Variants in STXBP5L observed in about 807,000 individuals in gnomAD.
STXBP5L encodes the protein syntaxin-binding protein 5-like.
In STXBP5L, 65 loss-of-function variants were observed where a neutral mutation model predicts 144.5. The observed-to-expected ratio is 0.45, with a 90% CI of 0.37 to 0.55. STXBP5L has a LOEUF of 0.55. Ranked by LOEUF, STXBP5L falls within the 20% of genes least tolerant of loss-of-function variation. The pLI, the probability that STXBP5L is intolerant of heterozygous loss-of-function variation, is 0.00. For missense variants in STXBP5L, 1,298 were observed against 1,405.5 expected (o/e 0.92, Z 1.22); for synonymous variants, 505 against 469.6 (o/e 1.08, Z -0.97).
At chr3:121,024,644 C>G (rs532267650) in intron 3 of STXBP5L, among the ~76,000 whole-genome samples, 3 of 152,250 alleles carry the variant, frequency 2.0e-5, no homozygotes, top group Non-Finnish European at 4.4e-5. Flanking sequence ...CATTTATAAA[C>G]TCATTCTACC....
intron 2 of STXBP5L, 41 bp downstream of exon 2, chr3:120,909,808 A>G (rs1708732646): frequency 1.3e-6 from 2 of 1,562,564 alleles, no homozygotes; most frequent in East Asian, 4.5e-5. Flanking sequence ...TTTCTTTATT[A>G]TACTGTTGTA....
intron 3 of STXBP5L, among the ~76,000 whole-genome samples, chr3:121,039,552 A>G (rs1197602923): frequency 6.6e-6 from 1 of 151,578 alleles, no homozygotes; most frequent in Non-Finnish European, 1.5e-5. Context: ...TCCTTTTTGT[A>G]TATCCAGATA....
At chr3:121,068,621 A>C (rs2041661031) in intron 5 of STXBP5L, among the ~76,000 whole-genome samples, 3 of 152,088 alleles carry the variant, frequency 2.0e-5, no homozygotes, top group African/African-American at 7.2e-5. Flanking sequence ...ACCTCTATTT[A>C]CCATCCCTGT....
intron 20 of STXBP5L, among the ~76,000 whole-genome samples, chr3:121,353,073 A>G (rs2045360802): frequency 6.6e-6 from 1 of 152,114 alleles, no homozygotes; most frequent in Admixed American, 6.6e-5. Flanking sequence ...GTGGTGCTGG[A>G]TTCGGTTTGC....
intron 23 of STXBP5L, among the ~76,000 whole-genome samples, chr3:121,409,475 G>C (rs571368667): frequency 6.6e-6 from 1 of 151,948 alleles, no homozygotes; most frequent in South Asian, 2.1e-4. Context: ...TAGCAGCATG[G>C]TGGAAACAAA....
At chr3:121,033,141 T>C (rs1229484917) in intron 3 of STXBP5L, among the ~76,000 whole-genome samples, 1 of 128,870 alleles carries the variant, frequency 7.8e-6, no homozygotes, top group African/African-American at 3.0e-5. Flanking sequence ...ATTGCGGCAT[T>C]ATTCACAATA....
intron 10 of STXBP5L, among the ~76,000 whole-genome samples, chr3:121,211,096 T>C (rs1464388870): frequency 6.6e-6 from 1 of 152,222 alleles, no homozygotes; most frequent in Middle Eastern, 3.2e-3. Context: ...TTGTGTCCTC[T>C]TTTATTTTGT....
chr3:121,275,130 C>T (rs1015934462), intron 18 of STXBP5L, among the ~76,000 whole-genome samples: 6 of 152,096 alleles, frequency 3.9e-5, no homozygotes, highest in Non-Finnish European at 7.4e-5. Flanking sequence ...CCAATACCGG[C>T]CTGTCTTGAT....
At chr3:120,969,532 T>C (rs1159858806) in intron 3 of STXBP5L, among the ~76,000 whole-genome samples, 1 of 151,936 alleles carries the variant, frequency 6.6e-6, no homozygotes, top group Non-Finnish European at 1.5e-5. Context: ...TCTTTTGCTC[T>C]ACAGAGCTTT....
chr3:121,236,017 T>C (rs1371333932), intron 12 of STXBP5L, among the ~76,000 whole-genome samples: 2 of 152,164 alleles, frequency 1.3e-5, no homozygotes, highest in Non-Finnish European at 2.9e-5. Context: ...AGATATAGCA[T>C]AGAATAATAC....
chr3:121,104,953 A>G (rs988544003), intron 5 of STXBP5L, among the ~76,000 whole-genome samples: 17 of 152,234 alleles, frequency 1.1e-4, no homozygotes, highest in Non-Finnish European at 5.9e-5. Flanking sequence ...GGCAACCCAC[A>G]GAGTGGGAGA....
intron 9 of STXBP5L, among the ~76,000 whole-genome samples, chr3:121,177,500 A>T (rs1206208505): frequency 1.3e-5 from 2 of 152,206 alleles, no homozygotes; most frequent in African/African-American, 4.8e-5. Context: ...GCCAATTAGC[A>T]CATGAAACGA....
intron 3 of STXBP5L, among the ~76,000 whole-genome samples, chr3:121,026,590 G>A (rs918233430): frequency 2.6e-5 from 4 of 152,032 alleles, no homozygotes; most frequent in African/African-American, 9.7e-5. Flanking sequence ...CTTAGCTAAT[G>A]TAGTTTCAGA....
At chr3:121,306,447 G>A (rs1008534672) in intron 19 of STXBP5L, among the ~76,000 whole-genome samples, 1 of 152,132 alleles carries the variant, frequency 6.6e-6, no homozygotes, top group Non-Finnish European at 1.5e-5. Flanking sequence ...CTTGCTCATA[G>A]GGCAGAAGTT....
chr3:120,956,613 A>G (rs1938063902), intron 3 of STXBP5L, among the ~76,000 whole-genome samples: 1 of 151,864 alleles, frequency 6.6e-6, no homozygotes, highest in South Asian at 2.1e-4. Context: ...TTTAGCTATT[A>G]TGAATAATAT....
At chr3:121,297,196 C>T (rs1294036451) in intron 19 of STXBP5L, among the ~76,000 whole-genome samples, 1 of 99,516 alleles carries the variant, frequency 1.0e-5, no homozygotes, top group Non-Finnish European at 2.1e-5. Context: ...AATGATTCTA[C>T]ATTATATGTG....
intron 7 of STXBP5L, among the ~76,000 whole-genome samples, chr3:121,142,329 A>G (rs763432189): frequency 4.6e-5 from 7 of 152,050 alleles, no homozygotes; most frequent in Non-Finnish European, 8.8e-5. Flanking sequence ...TCAGTACTCT[A>G]CTTTCAATAA....
intron 3 of STXBP5L, among the ~76,000 whole-genome samples, chr3:120,996,554 C>G (rs1208046447): frequency 1.3e-5 from 2 of 152,094 alleles, no homozygotes; most frequent in African/African-American, 4.8e-5. Flanking sequence ...AATTAAACCT[C>G]TAAAACTCAT....
chr3:121,206,914 A>G (rs976828803), intron 10 of STXBP5L, among the ~76,000 whole-genome samples: 1 of 152,240 alleles, frequency 6.6e-6, no homozygotes, highest in Non-Finnish European at 1.5e-5. Context: ...ACCATAATAA[A>G]TCTTGCCTAA....
Sources: gnomAD v4.1 joint callset for allele counts (sites outside exome capture counted in the v4.1 genomes callset) on GRCh38, gnomAD v4.1.1 for gene constraint, MANE v1.5 for transcripts, NCBI Gene and HGNC (gene_info 2026-07-23, HGNC 2026-07-21) for gene names.